The following ARL13B variants were observed in gnomAD, a reference collection of about 807,000 sequenced individuals.
The protein encoded by ARL13B is ADP-ribosylation factor-like protein 13B.
A neutral mutation model predicts 56.1 loss-of-function variants in ARL13B; 36 were observed. The observed-to-expected ratio is 0.64, with a 90% CI of 0.49 to 0.85. The LOEUF (loss-of-function observed/expected upper bound fraction) is 0.85. Among genes scored for constraint, ARL13B ranks in the 40% least tolerant of loss-of-function variants. The pLI is 0.00. For synonymous variants in ARL13B, 178 were observed against 171.1 expected (o/e 1.04, Z -0.32); for missense variants, 519 against 507.1 (o/e 1.02, Z -0.23).
At chr3:94,010,096 T>C (rs1398748994) in intron 3 of ARL13B, among the ~76,000 whole-genome samples, 1 of 152,126 alleles carries the variant, frequency 6.6e-6, no homozygotes, top group East Asian at 1.9e-4. Flanking sequence ...CTCCAGATCA[T>C]TCTGATTTAT....
chr3:94,027,554 T>G (rs1044655562), intron 3 of ARL13B, among the ~76,000 whole-genome samples: 3 of 152,086 alleles, frequency 2.0e-5, no homozygotes, highest in Admixed American at 2.0e-4. Flanking sequence ...GAAGATAATG[T>G]GTTCGAGGTA....
At chr3:94,025,234 T>C (rs2076530247) in intron 3 of ARL13B, among the ~76,000 whole-genome samples, 1 of 152,202 alleles carries the variant, frequency 6.6e-6, no homozygotes, top group Admixed American at 6.5e-5. Context: ...TTTATTAATC[T>C]TAATGAATTT....
intron 9 of ARL13B, among the ~76,000 whole-genome samples, chr3:94,052,409 C>CA (rs1386107069): frequency 6.6e-6 from 1 of 151,994 alleles, no homozygotes; most frequent in Non-Finnish European, 1.5e-5. Flanking sequence ...AGTAGGAGTA[C>CA]TGTGTACATG....
intron 3 of ARL13B, 55 bp downstream of exon 3, chr3:94,003,963 G>A (rs1445497998): frequency 8.7e-6 from 14 of 1,608,586 alleles, no homozygotes; most frequent in Non-Finnish European, 1.1e-5. Context: ...GGCCACTAAA[G>A]AAATTTACCT....
intron 1 of ARL13B, among the ~76,000 whole-genome samples, chr3:93,982,194 T>C (rs1428573011): frequency 1.3e-5 from 2 of 152,242 alleles, no homozygotes; most frequent in Non-Finnish European, 2.9e-5. Flanking sequence ...TCTGGAATGA[T>C]TTGTTTAAAG....
intron 1 of ARL13B, among the ~76,000 whole-genome samples, chr3:93,993,392 G>A (rs886368060): frequency 6.6e-6 from 1 of 152,146 alleles, no homozygotes; most frequent in African/African-American, 2.4e-5. Context: ...CTCCCAAAGT[G>A]CTGGGATTAC....
At chr3:93,999,564 T>C (rs1201536507) in intron 2 of ARL13B, among the ~76,000 whole-genome samples, 3 of 152,226 alleles carry the variant, frequency 2.0e-5, no homozygotes, top group Non-Finnish European at 4.4e-5. Context: ...CCTGAACATC[T>C]ATTCTTTGCG....
intron 7 of ARL13B, among the ~76,000 whole-genome samples, chr3:94,045,824 G>A (rs566759342): frequency 7.7e-4 from 116 of 151,468 alleles, no homozygotes; most frequent in African/African-American, 2.7e-3. Flanking sequence ...GGTGGTGGGC[G>A]CCTGTGGTCC....
At chr3:94,012,236 G>C (rs1338866714) in intron 3 of ARL13B, among the ~76,000 whole-genome samples, 1 of 151,886 alleles carries the variant, frequency 6.6e-6, no homozygotes, top group Non-Finnish European at 1.5e-5. Context: ...TGTACTTCTG[G>C]TCCTGACATA....
chr3:94,049,312 A>C (rs2077031016), intron 7 of ARL13B, 94 bp from the exon 8 acceptor site: 3 of 684,542 alleles, frequency 4.4e-6, no homozygotes, highest in Admixed American at 2.9e-5. Context: ...GTTTTTTGTT[A>C]ATAATATCAG....
At chr3:94,031,772 A>G (rs909180976) in intron 3 of ARL13B, among the ~76,000 whole-genome samples, 1 of 152,230 alleles carries the variant, frequency 6.6e-6, no homozygotes, top group Non-Finnish European at 1.5e-5. Flanking sequence ...TATTGTAACC[A>G]AAGTAGCATG....
chr3:94,037,844 C>G (rs2076795320), intron 5 of ARL13B, among the ~76,000 whole-genome samples: 1 of 151,966 alleles, frequency 6.6e-6, no homozygotes, highest in African/African-American at 2.4e-5. Context: ...AATGTTTTTG[C>G]CTTTTCCATA....
At chr3:94,036,970 A>G (rs2076780258) in intron 5 of ARL13B, among the ~76,000 whole-genome samples, 1 of 152,012 alleles carries the variant, frequency 6.6e-6, no homozygotes, top group African/African-American at 2.4e-5. Context: ...TTTACTCCTT[A>G]CGTAGCCATT....
chr3:94,043,263 G>A (rs1281621702), intron 7 of ARL13B, 23 bp downstream of exon 7: 3 of 1,582,946 alleles, frequency 1.9e-6, no homozygotes, highest in Non-Finnish European at 2.6e-6. Context: ...GTTATTTAAA[G>A]TAATTATCTT....
Position 94,013,325 on chromosome 3 carries a change from T to G in ARL13B, c.380+9417T>G, listed in dbSNP as rs540738216. ...ACATTATCTAATATTTGTATTTATC[T>G]GCTTTCTCCATTAGAATGTGAGTTG... On this transcript the variant is annotated intron_variant, in intron 3 of 9. Coordinates refer to ENST00000394222, the MANE Select transcript of ARL13B (RefSeq NM_001174150.2). 8.3e-4 allele frequency among the ~76,000 whole-genome samples: 127 copies of G among 152,384 alleles called. No homozygotes were observed. In the Middle Eastern group the frequency reaches 0.02, roughly 24 times the overall value.
At chr3:93,998,301 C>T (rs903267017) in intron 2 of ARL13B, among the ~76,000 whole-genome samples, 1 of 152,184 alleles carries the variant, frequency 6.6e-6, no homozygotes, top group Non-Finnish European at 1.5e-5. Context: ...GTTATGTATA[C>T]TGGGTGTACT....
chr3:94,054,345 A>G lies in ARL13B; in HGVS notation c.*1082A>G, dbSNP rs1447372877. 1 of 428,496 alleles carries G rather than the reference A, an allele frequency of 2.3e-6. No individual in the cohort carries two copies. Among genetic ancestry groups the G allele is most frequent in the Non-Finnish European group, 4.6e-6 (1 of 216,808 alleles). 26.5% of individuals were successfully genotyped at this position (428,496 alleles called of 1,614,324 possible). On this transcript the variant is annotated 3_prime_UTR_variant, in exon 10 of 10. Transcript: ENST00000394222. ...ACTTTTATAAATAAATAATTCCAAA[A>G]TAATTTCTTAATTTAAAATGATAGC... is the stretch of plus-strand genomic sequence containing the variant.
At chr3:94,028,254 C>T (rs564589070) in intron 3 of ARL13B, 6 of 152,252 alleles carry the variant, frequency 3.9e-5, no homozygotes, top group African/African-American at 1.4e-4. Context: ...CAAATCTGAG[C>T]AAAACAAGTA....
intron 1 of ARL13B, among the ~76,000 whole-genome samples, chr3:93,982,339 T>C (rs1367042081): frequency 6.6e-6 from 1 of 152,162 alleles, no homozygotes; most frequent in South Asian, 2.1e-4. Context: ...CCATCTAGAT[T>C]TGTCCTGTCC....
Sources: gnomAD v4.1 joint callset for allele counts (sites outside exome capture counted in the v4.1 genomes callset) on GRCh38, gnomAD v4.1.1 for gene constraint, MANE v1.5 for transcripts, NCBI Gene and HGNC (gene_info 2026-07-23, HGNC 2026-07-21) for gene names.